Variants in GLCE observed in about 807,000 individuals in gnomAD.
GLCE encodes the protein glucuronic acid epimerase.
In GLCE, 19 loss-of-function variants were observed where a neutral mutation model predicts 47.9. The observed-to-expected ratio is 0.40, with a 90% CI of 0.28 to 0.58. The LOEUF is 0.58. Ranked by LOEUF, GLCE falls within the 20% of genes least tolerant of loss-of-function variation. The probability of loss-of-function intolerance (pLI) is 0.48; values close to 1 mark genes in which losing one functional copy is unlikely to be tolerated. For synonymous variants in GLCE, 245 were observed against 263.4 expected (o/e 0.93, Z 0.68); for missense variants, 556 against 743.3 (o/e 0.75, Z 2.93).
intron 2 of GLCE, among the ~76,000 whole-genome samples, chr15:69,251,872 C>T (rs1171986785): frequency 1.3e-5 from 2 of 152,108 alleles, no homozygotes; most frequent in Non-Finnish European, 2.9e-5. Flanking sequence ...AATGTTTAAA[C>T]AAAAGTATAT....
chr15:69,204,691 T>C (rs949586269), intron 1 of GLCE, among the ~76,000 whole-genome samples: 2 of 152,156 alleles, frequency 1.3e-5, no homozygotes, highest in Non-Finnish European at 2.9e-5. Flanking sequence ...TGTAAATCAG[T>C]ATTTTTAAAA....
At chr15:69,193,704 A>T (rs1002996132) in intron 1 of GLCE, among the ~76,000 whole-genome samples, 8 of 152,004 alleles carry the variant, frequency 5.3e-5, no homozygotes, top group African/African-American at 1.9e-4. Context: ...TGACTCTCAG[A>T]TGTCAATCCT....
At chr15:69,166,899 A>G (rs1417237125) in intron 1 of GLCE, among the ~76,000 whole-genome samples, 1 of 106,234 alleles carries the variant, frequency 9.4e-6, no homozygotes. Context: ...ACAGACCTAG[A>G]CTCTGTCTCA....
At chr15:69,248,621 C>G (rs73437118) in intron 2 of GLCE, among the ~76,000 whole-genome samples, 3,107 of 152,182 alleles carry the variant, frequency 0.02, 109 homozygotes, top group African/African-American at 0.072. Context: ...TAATGAATGT[C>G]TACTCTGAGC....
chr15:69,183,538 G>A lies in GLCE; in HGVS notation c.-105+22781G>A, dbSNP rs1039561836. ...AGCCATAAAATGCCATGTGCTAGAC[G>A]CCATAACTCATACCCTATAGTTCGA... On this transcript the variant is annotated intron_variant, in intron 1 of 4. Coordinates refer to ENST00000261858, the MANE Select transcript of GLCE (RefSeq NM_015554.3). 5.3e-5 allele frequency among the ~76,000 whole-genome samples: 8 copies of A among 152,172 alleles called. No individual in the cohort carries two copies. In the South Asian group the frequency reaches 1.2e-3, roughly 24 times the overall value.
chr15:69,165,674 A>G (rs1423320752), intron 1 of GLCE, among the ~76,000 whole-genome samples: 1 of 151,770 alleles, frequency 6.6e-6, no homozygotes, highest in Non-Finnish European at 1.5e-5. Context: ...AATGTGTTGT[A>G]ATTAAGTCTC....
chr15:69,192,524 G>C (rs952211736), intron 1 of GLCE, among the ~76,000 whole-genome samples: 4 of 151,604 alleles, frequency 2.6e-5, no homozygotes, highest in Admixed American at 6.6e-5. Flanking sequence ...TTTCATTTCT[G>C]GTTCTGTTAA....
chr15:69,227,025 G>A (rs1372039782), intron 2 of GLCE, among the ~76,000 whole-genome samples: 1 of 151,986 alleles, frequency 6.6e-6, no homozygotes, highest in Non-Finnish European at 1.5e-5. Context: ...AATTACAGGC[G>A]TGAGCCACCA....
chr15:69,171,289 T>G (rs1432324767), intron 1 of GLCE, among the ~76,000 whole-genome samples: 1 of 152,172 alleles, frequency 6.6e-6, no homozygotes, highest in Non-Finnish European at 1.5e-5. Flanking sequence ...GAGCTTGACT[T>G]GAATGTCACT....
chr15:69,233,803 A>C (rs999841254), intron 2 of GLCE, among the ~76,000 whole-genome samples: 2 of 152,190 alleles, frequency 1.3e-5, no homozygotes, highest in Non-Finnish European at 2.9e-5. Context: ...TTTGAAACCT[A>C]GAGTTTATTA....
intron 1 of GLCE, among the ~76,000 whole-genome samples, chr15:69,184,590 C>G (rs76047987): frequency 0.12 from 18,555 of 152,198 alleles, 1,193 homozygotes; most frequent in East Asian, 0.16. Flanking sequence ...AGTTAGGTGT[C>G]TTTCAACTTT....
At chr15:69,235,090 A>AATCTTTTT (rs1163529945) in intron 2 of GLCE, among the ~76,000 whole-genome samples, 3 of 82,512 alleles carry the variant, frequency 3.6e-5, no homozygotes, top group East Asian at 3.7e-4. Context: ...GATGAAGATT[A>AATCTTTTT]TTCTTTTTTT....
chr15:69,234,159 G>A (rs1380769458), intron 2 of GLCE, among the ~76,000 whole-genome samples: 3 of 151,954 alleles, frequency 2.0e-5, no homozygotes, highest in Non-Finnish European at 4.4e-5. Flanking sequence ...TTTATTTTTA[G>A]TAGAGAGGAG....
chr15:69,173,207 C>T (rs114045145), intron 1 of GLCE, among the ~76,000 whole-genome samples: 219 of 152,218 alleles, frequency 1.4e-3, no homozygotes, highest in African/African-American at 5.1e-3. Context: ...GTTCTGTTTG[C>T]CACATTTTAA....
intron 3 of GLCE, among the ~76,000 whole-genome samples, chr15:69,257,753 C>T (rs1489703928): frequency 6.6e-6 from 1 of 151,908 alleles, no homozygotes; most frequent in African/African-American, 2.4e-5. Context: ...GGCCTTTGTA[C>T]TTAGACATAT....
chr15:69,184,409 C>T (rs536288908), intron 1 of GLCE, among the ~76,000 whole-genome samples: 3 of 152,264 alleles, frequency 2.0e-5, no homozygotes, highest in Non-Finnish European at 4.4e-5. Flanking sequence ...TCATCTCTTT[C>T]CCAAAGTATT....
chr15:69,242,534 A>G (rs1351298403), intron 2 of GLCE, among the ~76,000 whole-genome samples: 1 of 152,116 alleles, frequency 6.6e-6, no homozygotes, highest in Non-Finnish European at 1.5e-5. Flanking sequence ...CATTGAATTT[A>G]GTCTGTTCAT....
At chr15:69,243,560 GC>G (rs1355069065) in intron 2 of GLCE, among the ~76,000 whole-genome samples, 22 of 115,532 alleles carry the variant, frequency 1.9e-4, no homozygotes, top group African/African-American at 6.2e-4. Flanking sequence ...TAATGAGACC[GC>G]CCCCATCTCA....
In GLCE at chr15:69,181,202, T is replaced by C. The variant is rs146468910; in HGVS notation, c.-105+20445T>C. 1.2e-4 allele frequency among the ~76,000 whole-genome samples: 18 copies of C among 152,318 alleles called. 1 individual carries two copies. In the East Asian group the frequency reaches 2.5e-3, roughly 21 times the overall value. On this transcript the variant is annotated intron_variant, in intron 1 of 4. Coordinates refer to ENST00000261858, the MANE Select transcript of GLCE (RefSeq NM_015554.3). ...AGTTGGATCTTGGACAAAGTAAATT[T>C]AAGATATATCTTAGGTATTCTAAGT...
Sources: gnomAD v4.1 joint callset for allele counts (sites outside exome capture counted in the v4.1 genomes callset) on GRCh38, gnomAD v4.1.1 for gene constraint, MANE v1.5 for transcripts, NCBI Gene and HGNC (gene_info 2026-07-23, HGNC 2026-07-21) for gene names.